CBLB: variants seen among roughly 807,000 people sequenced by gnomAD.
CBLB encodes E3 ubiquitin-protein ligase CBL-B.
A neutral mutation model predicts 104.9 loss-of-function variants in CBLB; 31 were observed. That is an observed-to-expected ratio of 0.30 (90% CI 0.22 to 0.40). The LOEUF (loss-of-function observed/expected upper bound fraction) is 0.40, where lower values mean the gene tolerates loss of function less well. Ranked by LOEUF, CBLB falls within the 10% of genes least tolerant of loss-of-function variation. CBLB has a pLI of 1.00. For synonymous variants in CBLB, 440 were observed against 422.6 expected (o/e 1.04, Z -0.51); for missense variants, 1,062 against 1,214.6 (o/e 0.87, Z 1.87).
Position 105,678,519 on chromosome 3 carries a change from A to G in CBLB, c.2481T>C (p.Pro827=). ...LPPSLPPPPP[P]ARHSLIEHSK... is the part of the protein sequence containing the mutation. The stretch of plus-strand genomic sequence containing the variant: ...AATGTTCAATGAGACTATGCCTTGC[A>G]GGAGGTGGGGGAGGTGGGAGAGATG... The change falls in exon 17 of 19, where the codon CCT becomes CCC. Residue 827 remains proline, a synonymous_variant. Coordinates refer to ENST00000394030, the MANE Select transcript of CBLB (RefSeq NM_170662.5). 6.2e-7 allele frequency: 1 copy of G among 1,613,914 alleles called. No homozygotes were observed. The highest frequency in any genetic ancestry group is 8.5e-7 in the Non-Finnish European group (1 of 1,179,808).
At chr3:105,848,685 G>A (rs570360764) in intron 3 of CBLB, among the ~76,000 whole-genome samples, 49 of 152,076 alleles carry the variant, frequency 3.2e-4, no homozygotes, top group Non-Finnish European at 6.3e-4. Flanking sequence ...TCAATAAAGC[G>A]GGCAGAATCA....
intron 10 of CBLB, among the ~76,000 whole-genome samples, chr3:105,712,105 C>T (rs933605121): frequency 2.0e-5 from 3 of 152,144 alleles, no homozygotes; most frequent in African/African-American, 7.2e-5. Context: ...GATGATACTG[C>T]TTCTCCTTGA....
chr3:105,810,479 C>A (rs1240451383), intron 3 of CBLB, among the ~76,000 whole-genome samples: 5 of 152,048 alleles, frequency 3.3e-5, no homozygotes, highest in Middle Eastern at 3.2e-3. Flanking sequence ...ATTACAAAAA[C>A]AAATCAGAGG....
chr3:105,703,726 A>C (rs2069613872), intron 11 of CBLB, among the ~76,000 whole-genome samples: 1 of 152,212 alleles, frequency 6.6e-6, no homozygotes, highest in Non-Finnish European at 1.5e-5. Flanking sequence ...TCTATTTTAC[A>C]AAATAACTAT....
rs908112589 is a variant in CBLB at position 105,776,302 on chromosome 3, C to T, written c.566+94G>A. The T allele has an allele frequency of 8.0e-6, 9 of 1,124,918 alleles. No individual in the cohort carries two copies. In the African/African-American group the frequency reaches 1.4e-4, roughly 18 times the overall value. 69.7% of individuals were successfully genotyped at this position (1,124,918 alleles called of 1,614,324 possible). On this transcript the variant is annotated intron_variant, in intron 4 of 18. Coordinates refer to ENST00000394030, the MANE Select transcript of CBLB (RefSeq NM_170662.5). ...AAAATAATAAAATACATTCACAAAA[C>T]ACTCAAGTAAAATATATACCATATC...
intron 3 of CBLB, among the ~76,000 whole-genome samples, chr3:105,780,653 G>GTTTGT (rs1560208644): frequency 1.2e-5 from 1 of 84,688 alleles, no homozygotes; most frequent in East Asian, 3.0e-4. Context: ...TAAAAGTTTT[G>GTTTGT]TTTTTTGTTT....
intron 3 of CBLB, among the ~76,000 whole-genome samples, chr3:105,813,632 C>T (rs2084609047): frequency 6.6e-6 from 1 of 151,982 alleles, no homozygotes; most frequent in Non-Finnish European, 1.5e-5. Context: ...AAGGTTATTC[C>T]TCCAAGGACC....
intron 9 of CBLB, among the ~76,000 whole-genome samples, chr3:105,723,211 C>T (rs2073133560): frequency 6.6e-6 from 1 of 152,278 alleles, no homozygotes; most frequent in South Asian, 2.1e-4. Context: ...TGATTAAATA[C>T]ACATGAAGAA....
At chr3:105,672,362 T>C in intron 17 of CBLB, 1 of 179,158 alleles carries the variant, frequency 5.6e-6, no homozygotes, top group African/African-American at 2.4e-5. Flanking sequence ...TTTTGAATCA[T>C]TATCATGTTC....
At chr3:105,680,513 G>A (rs1001893202) in intron 16 of CBLB, among the ~76,000 whole-genome samples, 3 of 152,294 alleles carry the variant, frequency 2.0e-5, no homozygotes, top group Admixed American at 6.5e-5. Context: ...AAAAACAAGT[G>A]TGCAGGAAGA....
At chr3:105,728,838 G>T (rs560263903) in intron 9 of CBLB, among the ~76,000 whole-genome samples, 22 of 152,176 alleles carry the variant, frequency 1.4e-4, no homozygotes, top group Admixed American at 1.4e-3. Context: ...ATGACTAATG[G>T]GCCATTATGA....
At chr3:105,660,054 G>A (rs1368929007) in intron 18 of CBLB, among the ~76,000 whole-genome samples, 1 of 152,150 alleles carries the variant, frequency 6.6e-6, no homozygotes, top group Non-Finnish European at 1.5e-5. Context: ...TGAATGGAGA[G>A]TAACCTTAAG....
Position 105,720,100 on chromosome 3 carries a change from C to T in CBLB, c.1354G>A (p.Asp452Asn), listed in dbSNP as rs1192217454. 2 of 1,613,996 alleles carry T rather than the reference C, an allele frequency of 1.2e-6. No individual in the cohort carries two copies. The highest frequency in any genetic ancestry group is 8.5e-7 in the Non-Finnish European group (1 of 1,179,920). ...ATCAAGGACTCCTCACGATCATCAT[C>T]GTCGTCCAAGTCTAGCATCGGCATG... ...FGMPMLDLDD[D>N]DDREESLMMN... Residue 452 changes from aspartate to asparagine, a missense_variant, in exon 10 of 19, where the codon GAT becomes AAT. Coordinates refer to ENST00000394030, the MANE Select transcript of CBLB (RefSeq NM_170662.5).
intron 18 of CBLB, among the ~76,000 whole-genome samples, chr3:105,661,767 C>A (rs1453189495): frequency 6.6e-6 from 1 of 152,152 alleles, no homozygotes; most frequent in Non-Finnish European, 1.5e-5. Flanking sequence ...AATTTACTTT[C>A]ACAATTCTCA....
intron 2 of CBLB, among the ~76,000 whole-genome samples, chr3:105,862,053 T>C (rs937522752): frequency 2.6e-5 from 4 of 152,172 alleles, no homozygotes; most frequent in Non-Finnish European, 5.9e-5. Flanking sequence ...CACTAATCTA[T>C]GTAGGATTCT....
intron 17 of CBLB, among the ~76,000 whole-genome samples, chr3:105,677,605 G>A (rs2065810581): frequency 3.3e-5 from 5 of 151,724 alleles, no homozygotes; most frequent in South Asian, 4.1e-4. Context: ...AAAGGTTTCA[G>A]GGCACAGTAT....
chr3:105,862,529 T>C (rs1361228036), intron 2 of CBLB, among the ~76,000 whole-genome samples: 1 of 152,212 alleles, frequency 6.6e-6, no homozygotes, highest in Non-Finnish European at 1.5e-5. Context: ...CTTCCAAGTA[T>C]CTAGGCCAGC....
chr3:105,861,777 C>T (rs968930272), intron 2 of CBLB, among the ~76,000 whole-genome samples: 3 of 151,762 alleles, frequency 2.0e-5, no homozygotes, highest in African/African-American at 7.3e-5. Flanking sequence ...GAACTCCCTT[C>T]CTTTTCATTG....
At chr3:105,868,287 A>T in intron 1 of CBLB, 8 of 1,137,932 alleles carry the variant, frequency 7.0e-6, no homozygotes, top group Non-Finnish European at 8.9e-6. Flanking sequence ...GGAAAGGAGG[A>T]GTTCACTTCT....
Sources: gnomAD v4.1 joint callset for allele counts (sites outside exome capture counted in the v4.1 genomes callset) on GRCh38, gnomAD v4.1.1 for gene constraint, MANE v1.5 for transcripts, NCBI Gene and HGNC (gene_info 2026-07-23, HGNC 2026-07-21) for gene names.